COL4A4: variants seen among roughly 807,000 people sequenced by gnomAD.
COL4A4 encodes collagen type IV alpha 4 chain, also known as collagen alpha-4(IV) chain.
Under a neutral mutation model 192.9 loss-of-function variants are expected in COL4A4, and 105 were observed. The observed-to-expected ratio is 0.54, with a 90% CI of 0.46 to 0.64. The LOEUF (loss-of-function observed/expected upper bound fraction) is 0.64. COL4A4 is among the 30% of genes least tolerant of loss of function. The probability of loss-of-function intolerance (pLI) is 0.00; values close to 1 mark genes in which losing one functional copy is unlikely to be tolerated. For synonymous variants in COL4A4, 762 were observed against 769.9 expected (o/e 0.99, Z 0.17); for missense variants, 1,967 against 2,169.3 (o/e 0.91, Z 1.85).
At chr2:227,066,146 C>T (rs1002394713) in intron 25 of COL4A4, among the ~76,000 whole-genome samples, 7 of 151,574 alleles carry the variant, frequency 4.6e-5, no homozygotes, top group East Asian at 3.9e-4. Context: ...TGAAATGAAG[C>T]GAGAAGGGAA....
Position 227,121,024 on chromosome 2 carries a change from T to C in COL4A4, c.317A>G (p.Lys106Arg), listed in dbSNP as rs1362665820. 1 of 1,614,098 alleles carries C rather than the reference T, an allele frequency of 6.2e-7. No homozygotes were observed. The highest frequency in any genetic ancestry group is 1.1e-5 in the South Asian group (1 of 91,068). ...DRGPPGAAGD[K>R]GDKGPTGVPG... ...TAAGATGTGGCTTACCTTATCTCCT[T>C]TGTCCCCTGCTGCTCCAGGAGGGCC... The change falls in exon 5 of 48, where the codon AAA (lysine) becomes AGA (arginine). Residue 106 changes from lysine to arginine, a missense_variant. By Grantham distance (26) the Lys-to-Arg change is conservative. Coordinates refer to ENST00000396625, the MANE Select transcript of COL4A4 (RefSeq NM_000092.5).
At chr2:226,996,780 G>A in the COL4A4 span, 4 of 152,130 alleles carry the variant, frequency 2.6e-5, no homozygotes, top group African/African-American at 9.7e-5. Context: ...TGGAAGATGT[G>A]TTTATGTGTG....
intron 4 of COL4A4, among the ~76,000 whole-genome samples, chr2:227,125,747 G>A (rs1377533960): frequency 6.6e-6 from 1 of 152,090 alleles, no homozygotes; most frequent in Admixed American, 6.6e-5. Flanking sequence ...AGGCTGCAGT[G>A]GAAAGATTCC....
At chr2:227,134,241 G>A (rs2062669455) in intron 4 of COL4A4, among the ~76,000 whole-genome samples, 1 of 152,186 alleles carries the variant, frequency 6.6e-6, no homozygotes, top group Non-Finnish European at 1.5e-5. Context: ...GTCACCAGCT[G>A]TTCCCCAAGG....
chr2:227,120,371 A>G (rs549301852), intron 5 of COL4A4, among the ~76,000 whole-genome samples: 1 of 152,340 alleles, frequency 6.6e-6, no homozygotes, highest in African/African-American at 2.4e-5. Context: ...TTCAGGAATA[A>G]GTTCAATCTA....
At chr2:227,094,908 T>C (rs982888634) in intron 19 of COL4A4, among the ~76,000 whole-genome samples, 3 of 152,058 alleles carry the variant, frequency 2.0e-5, no homozygotes, top group Non-Finnish European at 4.4e-5. Context: ...AGAAAAAAAA[T>C]AAGTGATGTA....
Position 227,147,431 on chromosome 2 carries a change from G to A in COL4A4, c.53C>T (p.Ser18Phe), listed in dbSNP as rs1472124369. The part of the protein sequence containing the change: ...LMRCSFRLTK[S>F]LATGPWSLIL... ...TACTCACCAGGGACCTGTGGCCAAG[G>A]ACTTGGTCAATCTGAAGGAGCACCT... The change falls in exon 2 of 48, where the codon TCC becomes TTC. Residue 18 changes from serine to phenylalanine, a missense_variant. By Grantham distance (155) the Ser-to-Phe change is radical (BLOSUM62 -2). Coordinates refer to ENST00000396625, the MANE Select transcript of COL4A4 (RefSeq NM_000092.5). The A allele has an allele frequency of 4.3e-6, 7 of 1,613,580 alleles. No individual in the cohort carries two copies.
intron 25 of COL4A4, among the ~76,000 whole-genome samples, chr2:227,076,948 C>CTCTA (rs2059056811): frequency 6.6e-6 from 1 of 152,144 alleles, no homozygotes; most frequent in Admixed American, 6.5e-5. Context: ...GATACCATCT[C>CTCTA]ACGGCAGTTA....
In COL4A4 at chr2:227,005,385, G is replaced by C. The variant is rs1362059952; in HGVS notation, c.*1940C>G. 6.6e-6 allele frequency: 1 copy of C among 152,152 alleles called. No individual in the cohort carries two copies. Among genetic ancestry groups the C allele is most frequent in the Admixed American group, 6.5e-5 (1 of 15,276 alleles). The allele number at this position is 152,152 out of a possible 1,614,324, so 9.4% of individuals were successfully genotyped here. ...AACAGGTTGAACTTTTAGGAGGGTTGACTTTTGGTAATAGATAAAGCTTTT... is the reference window on the plus strand; with the variant it reads ...AACAGGTTGAACTTTTAGGAGGGTTCACTTTTGGTAATAGATAAAGCTTTT... On this transcript the variant is annotated 3_prime_UTR_variant, in exon 48 of 48. Coordinates refer to ENST00000396625, the MANE Select transcript of COL4A4 (RefSeq NM_000092.5).
chr2:227,099,298 C>G (rs1241901914), intron 18 of COL4A4, among the ~76,000 whole-genome samples: 1 of 152,162 alleles, frequency 6.6e-6, no homozygotes, highest in Non-Finnish European at 1.5e-5. Flanking sequence ...AACTCCTGAC[C>G]TCAAGTGATC....
At chr2:227,011,712 T>C (rs963122292) in intron 45 of COL4A4, among the ~76,000 whole-genome samples, 7 of 152,228 alleles carry the variant, frequency 4.6e-5, no homozygotes, top group Non-Finnish European at 1.0e-4. Context: ...AGAGCCCTGT[T>C]TTCTACATCA....
intron 25 of COL4A4, among the ~76,000 whole-genome samples, chr2:227,077,315 A>G (rs1387718274): frequency 6.6e-6 from 1 of 152,244 alleles, no homozygotes; most frequent in Admixed American, 6.5e-5. Context: ...AGCCATAAAA[A>G]AAGAATGAGA....
chr2:227,139,571 G>C (rs767515881), intron 4 of COL4A4, among the ~76,000 whole-genome samples: 31 of 152,302 alleles, frequency 2.0e-4, no homozygotes, highest in Non-Finnish European at 3.5e-4. Flanking sequence ...GTGGACTTGA[G>C]CAAGACACTA....
intron 22 of COL4A4, among the ~76,000 whole-genome samples, chr2:227,084,880 C>G (rs528823346): frequency 6.6e-6 from 1 of 152,178 alleles, no homozygotes; most frequent in East Asian, 1.9e-4. Flanking sequence ...GCCTGTAATC[C>G]CAGCACTTTG....
At chr2:227,105,031 TTA>T (rs1335962789) in intron 12 of COL4A4, among the ~76,000 whole-genome samples, 2 of 152,124 alleles carry the variant, frequency 1.3e-5, no homozygotes, top group Non-Finnish European at 1.5e-5. Flanking sequence ...ACAATTTGTT[TTA>T]TGTTTATGAA....
Position 227,007,230 on chromosome 2 carries a change from CA to C in COL4A4, c.*94del. 6 of 1,560,006 alleles carry C rather than the reference CA, an allele frequency of 3.8e-6. No individual in the cohort carries two copies. In the South Asian group the frequency reaches 5.6e-5, roughly 15 times the overall value. Reference sequence around the variant, plus strand: ...CAGAAGGAACCACTGAAAGGGAGTCCAAAATGAGCACCATGACATCTCTTAG... The same window carrying C: ...CAGAAGGAACCACTGAAAGGGAGTCCAAATGAGCACCATGACATCTCTTAG... On this transcript the variant is annotated 3_prime_UTR_variant, in exon 48 of 48. Transcript: ENST00000396625.
Position 227,022,141 on chromosome 2 carries a change from AG to A in COL4A4, c.4122del (p.Cys1375ValfsTer13), listed in dbSNP as rs1162601696. 1 of 1,614,032 alleles carries A rather than the reference AG, an allele frequency of 6.2e-7. No homozygotes were observed. ...GEPGPPADVD[D>X]CPRIPGLPGA... ...CCAGGAAGGCCTGGGATTCGGGGAC[AG>A]TCATCCACATCTGCAGGTGGCCCCG... On this transcript the variant is annotated frameshift_variant, in exon 44 of 48. Coordinates refer to ENST00000396625, the MANE Select transcript of COL4A4 (RefSeq NM_000092.5). LOFTEE classifies it high-confidence loss of function.
chr2:227,103,296 C>A, intron 13 of COL4A4, 99 bp from the exon 14 acceptor site: 2 of 949,774 alleles, frequency 2.1e-6, no homozygotes, highest in East Asian at 2.5e-5. Context: ...TCTGTTTCAC[C>A]TTAAAAAAAA....
intron 41 of COL4A4, 51 bp from the exon 42 acceptor site, chr2:227,028,060 A>T: frequency 2.4e-6 from 3 of 1,232,328 alleles, no homozygotes; most frequent in Non-Finnish European, 3.5e-6. Context: ...GAGACAAGAT[A>T]AAAACAATGA....
Sources: gnomAD v4.1 joint callset for allele counts (sites outside exome capture counted in the v4.1 genomes callset) on GRCh38, gnomAD v4.1.1 for gene constraint, MANE v1.5 for transcripts, NCBI Gene and HGNC (gene_info 2026-07-23, HGNC 2026-07-21) for gene names.